Variants in TLE2 observed in about 807,000 individuals in gnomAD.
TLE2 encodes the protein transducin-like enhancer protein 2.
TLE2 carries 74 observed loss-of-function variants against 97.2 expected under a neutral mutation model. The observed-to-expected ratio is 0.76, with a 90% CI of 0.63 to 0.92. The LOEUF (loss-of-function observed/expected upper bound fraction) is 0.92. Ranked by LOEUF, TLE2 falls within the 40% of genes least tolerant of loss-of-function variation. The pLI is 0.00. For missense variants in TLE2, 1,038 were observed against 1,008.7 expected, an observed-to-expected ratio of 1.03 and a Z score of -0.39; for synonymous variants, 499 against 432.1, an observed-to-expected ratio of 1.15 and a Z score of -1.92.
At chr19:3,001,093 T>C (rs1455080547) in intron 18 of TLE2, among the ~76,000 whole-genome samples, 8 of 151,864 alleles carry the variant, frequency 5.3e-5, no homozygotes, top group Non-Finnish European at 1.0e-4. Flanking sequence ...GCCAACATGG[T>C]GAAACCCCTT....
intron 11 of TLE2, 76 bp downstream of exon 11, chr19:3,013,593 G>T: frequency 1.6e-6 from 2 of 1,265,364 alleles, no homozygotes; most frequent in Non-Finnish European, 1.0e-6. Flanking sequence ...ACTGCCCTCT[G>T]CATCATGGGG....
chr19:3,004,723 C>A (rs1416642190), intron 17 of TLE2, among the ~76,000 whole-genome samples: 1 of 151,492 alleles, frequency 6.6e-6, no homozygotes, highest in Non-Finnish European at 1.5e-5. Flanking sequence ...TAGGAGTTTG[C>A]CAATTACAGA....
intron 18 of TLE2, among the ~76,000 whole-genome samples, chr19:3,001,477 C>T (rs1042207722): frequency 1.3e-5 from 2 of 151,894 alleles, no homozygotes; most frequent in African/African-American, 2.4e-5. Flanking sequence ...GATATACTTA[C>T]ACTAATGAAT....
chr19:3,034,669 T>A (rs2090049510), intron 1 of TLE2, among the ~76,000 whole-genome samples: 1 of 151,500 alleles, frequency 6.6e-6, no homozygotes, highest in Non-Finnish European at 1.5e-5. Flanking sequence ...TCGCCTCCTG[T>A]CTTCTCCATA....
At chr19:3,027,323 T>C (rs1043881262) in intron 4 of TLE2, among the ~76,000 whole-genome samples, 9 of 152,330 alleles carry the variant, frequency 5.9e-5, no homozygotes, top group African/African-American at 2.2e-4. Context: ...AACCATGGCA[T>C]CAAATTCAGG....
In TLE2 at chr19:3,019,214, C is replaced by A; in HGVS notation, c.550+69G>T. On this transcript the variant is annotated intron_variant, in intron 7 of 19. Transcript: ENST00000262953. This position sits in a 1 kb window ranked among gnomAD's most constrained non-coding sequence, Gnocchi z 5.1. ...CATCCCCTCACGCTGATGTTTGCTA[C>A]CCTGGACTGCCAGTCGTCCTCCCCA... 1.3e-6 allele frequency: 2 copies of A among 1,528,536 alleles called. No individual in the cohort carries two copies. Among genetic ancestry groups the A allele is most frequent in the South Asian group, 1.2e-5 (1 of 83,086 alleles). The allele number at this position is 1,528,536 out of a possible 1,614,324, so 94.7% of individuals were successfully genotyped here.
At chr19:3,039,964 A>G (rs966710452) in intron 1 of TLE2, among the ~76,000 whole-genome samples, 3 of 152,190 alleles carry the variant, frequency 2.0e-5, no homozygotes, top group Non-Finnish European at 4.4e-5. Context: ...CACACGATCA[A>G]ATAGCTCGAT....
rs758510872 is a variant in TLE2 at position 3,028,357 on chromosome 19, C to T, written c.148G>A (p.Ala50Thr). The T allele has an allele frequency of 1.2e-6, 2 of 1,609,244 alleles. No individual in the cohort carries two copies. The highest frequency in any genetic ancestry group is 1.1e-5 in the South Asian group (1 of 90,150). Residue 50 changes from alanine to threonine, a missense_variant, in exon 3 of 20, where the codon GCC (alanine) becomes ACC (threonine). Coordinates refer to ENST00000262953, the MANE Select transcript of TLE2 (RefSeq NM_003260.5). ...HSLKLECEKL[A>T]SEKTEMQRHY... ...CGCTGCATTTCCGTCTTCTCGCTGG[C>T]CAGCTTCTCACATTCTAGCTTGAGG...
Position 3,037,730 on chromosome 19 carries a change from G to A in TLE2, c.63+7996C>T, listed in dbSNP as rs965863531. Among the ~76,000 whole-genome samples the A allele has an allele frequency of 3.9e-5, 6 of 152,094 alleles. No individual in the cohort carries two copies. The South Asian group carries it at 1.0e-3, about 26-fold the overall frequency. ...GGGGGAGAAGTCCCAGAGTGACAAC[G>A]GCTCAGTGCCAGGCACGTTTACTCT... On this transcript the variant is annotated intron_variant, in intron 1 of 18. Transcript: ENST00000426948.
intron 19 of TLE2, 79 bp downstream of exon 19, chr19:3,000,567 CA>C (rs2089333930): frequency 3.7e-6 from 5 of 1,336,286 alleles, no homozygotes; most frequent in Non-Finnish European, 5.2e-6. Context: ...GGGACAGGGA[CA>C]GGGGCAATCT....
rs2089454390 is a variant in TLE2 at position 3,005,511 on chromosome 19, C to T, written c.1822G>A (p.Gly608Ser). The T allele has an allele frequency of 3.1e-6, 5 of 1,613,770 alleles. No homozygotes were observed. Among genetic ancestry groups the T allele is most frequent in the Non-Finnish European group, 3.4e-6 (4 of 1,179,806 alleles). Residue 608 changes from glycine (G) to serine (S), a missense_variant, in exon 17 of 20, where the codon GGC becomes AGC. By Grantham distance (56) the Gly-to-Ser change is moderately conservative. Coordinates refer to ENST00000262953, the MANE Select transcript of TLE2 (RefSeq NM_003260.5). ...SDYGTRLWTG[G>S]LDNTVRCWDL... is the part of the protein sequence containing the mutation. ...CAGCAGCGCACCGTGTTGTCCAGGC[C>T]CCCTGTCCAGAGCCGAGTGCCGTAA...
intron 19 of TLE2, among the ~76,000 whole-genome samples, chr19:2,998,386 T>G (rs912669591): frequency 1.3e-5 from 2 of 151,622 alleles, no homozygotes; most frequent in Admixed American, 6.6e-5. Context: ...CAGGCAATCC[T>G]CCTGTCTCGA....
intron 1 of TLE2, among the ~76,000 whole-genome samples, chr19:3,039,463 G>C (rs1183639033): frequency 6.6e-6 from 1 of 151,970 alleles, no homozygotes; most frequent in Non-Finnish European, 1.5e-5. Context: ...CACTGCATTG[G>C]TTGTTCCCTC....
intron 13 of TLE2, among the ~76,000 whole-genome samples, chr19:3,009,175 T>C (rs1436713807): frequency 1.3e-5 from 2 of 152,100 alleles, no homozygotes; most frequent in Non-Finnish European, 2.9e-5. Flanking sequence ...GTTCCAAGGA[T>C]CCTGAAGGGT....
Position 3,021,813 on chromosome 19 carries a change from T to C in TLE2, c.295-2040A>G, listed in dbSNP as rs1258959648. The stretch of plus-strand genomic sequence containing the variant: ...GACCAGGCTGGTCTTGAACTCCTGA[T>C]CTCAAGTGATTTGCCCCCCTCAGCC... On this transcript the variant is annotated intron_variant, in intron 5 of 19. Coordinates refer to ENST00000262953, the MANE Select transcript of TLE2 (RefSeq NM_003260.5). Among the ~76,000 whole-genome samples, 3 of 152,060 alleles carry C rather than the reference T, an allele frequency of 2.0e-5. No homozygotes were observed. In the East Asian group the frequency reaches 5.8e-4, roughly 30 times the overall value.
chr19:3,040,394 G>A (rs1475378895), intron 1 of TLE2, among the ~76,000 whole-genome samples: 1 of 152,090 alleles, frequency 6.6e-6, no homozygotes, highest in Non-Finnish European at 1.5e-5. Context: ...AGGCTGGAGT[G>A]CAGTGGCTCG....
At position 3,016,941 on chromosome 19, in the gene TLE2, G is replaced by A. The variant is rs567941937; in HGVS notation, c.570+899C>T. 5.5e-4 allele frequency among the ~76,000 whole-genome samples: 84 copies of A among 151,860 alleles called. No homozygotes were observed. In the South Asian group the frequency reaches 0.016, roughly 30 times the overall value. On this transcript the variant is annotated intron_variant, in intron 8 of 19. Coordinates refer to ENST00000262953, the MANE Select transcript of TLE2 (RefSeq NM_003260.5). ...TTACAGGCGCCCACCACCACACCCA[G>A]CTAATTTTGTATTTTTAGTAGAGAT...
In TLE2 at chr19:2,999,289, CAAAA is replaced by C. The variant is rs890683595; in HGVS notation, c.2125-1338_2125-1335del. Among the ~76,000 whole-genome samples the C allele has an allele frequency of 1.3e-3, 196 of 151,140 alleles. 2 individuals carry two copies. Among genetic ancestry groups the C allele is most frequent in the African/African-American group, 3.8e-3 (155 of 41,204 alleles). On this transcript the variant is annotated intron_variant, in intron 19 of 19. Coordinates refer to ENST00000262953, the MANE Select transcript of TLE2 (RefSeq NM_003260.5). ...AGAGAAGGACTCCGTGTCAAAAAAACAAAAAAACACTGTACCAACCAGGACGGGC... is the reference window on the plus strand; with the variant it reads ...AGAGAAGGACTCCGTGTCAAAAAAACAAACACTGTACCAACCAGGACGGGC...
At chr19:3,003,178 C>G (rs148362640) in intron 17 of TLE2, among the ~76,000 whole-genome samples, 111 of 152,296 alleles carry the variant, frequency 7.3e-4, no homozygotes, top group African/African-American at 2.6e-3. Context: ...AACCCTAGGG[C>G]TGCACATCCA....
Sources: gnomAD v4.1 joint callset for allele counts (sites outside exome capture counted in the v4.1 genomes callset) on GRCh38, gnomAD v4.1.1 for gene constraint, Gnocchi (gnomAD v3.1) non-coding constraint, MANE v1.5 for transcripts, NCBI Gene and HGNC (gene_info 2026-07-23, HGNC 2026-07-21) for gene names.